The following PCMT1 variants were observed in gnomAD, a reference collection of about 807,000 sequenced individuals.
PCMT1 encodes protein-L-isoaspartate(D-aspartate) O-methyltransferase.
PCMT1 carries 9 observed loss-of-function variants against 29.2 expected under a neutral mutation model. The observed-to-expected ratio is 0.31, with a 90% CI of 0.19 to 0.54. The LOEUF is 0.54. Ranked by LOEUF, PCMT1 falls within the 20% of genes least tolerant of loss-of-function variation. The pLI, the probability that PCMT1 is intolerant of heterozygous loss-of-function variation, is 0.95. For synonymous variants in PCMT1, 98 were observed against 97.5 expected (o/e 1.00, Z -0.03); for missense variants, 184 against 282.2 (o/e 0.65, Z 2.49).
intron 4 of PCMT1, among the ~76,000 whole-genome samples, chr6:149,792,037 G>A (rs1025489544): frequency 3.3e-5 from 5 of 152,172 alleles, no homozygotes; most frequent in Admixed American, 1.3e-4. Flanking sequence ...ATGATAGGCC[G>A]GGTGTGGTGG....
At chr6:149,792,302 G>A (rs950224755) in intron 4 of PCMT1, among the ~76,000 whole-genome samples, 4 of 151,896 alleles carry the variant, frequency 2.6e-5, no homozygotes, top group Admixed American at 6.6e-5. Context: ...CCAACAAAGC[G>A]AGACTTTATC....
At chr6:149,792,087 G>A (rs1307726061) in intron 4 of PCMT1, among the ~76,000 whole-genome samples, 1 of 152,202 alleles carries the variant, frequency 6.6e-6, no homozygotes, top group Non-Finnish European at 1.5e-5. Flanking sequence ...GGCCGAGGCA[G>A]GTGGATCACC....
chr6:149,749,895 C>T lies in PCMT1; in HGVS notation c.-7C>T. The T allele has an allele frequency of 6.2e-7, 1 of 1,608,312 alleles. No individual in the cohort carries two copies. Among genetic ancestry groups the T allele is most frequent in the Non-Finnish European group, 8.5e-7 (1 of 1,177,724 alleles). On this transcript the variant is annotated 5_prime_UTR_variant, in exon 1 of 8. Coordinates refer to ENST00000464889, the MANE Select transcript of PCMT1 (RefSeq NM_001360452.2). ...TGGTTCTGTACCTGCTCCGAGTGTG[C>T]TTAGCGATGGCCTGGAAATCCGGCG...
intron 3 of PCMT1, among the ~76,000 whole-genome samples, chr6:149,779,950 G>A (rs2115276174): frequency 6.6e-6 from 1 of 152,236 alleles, no homozygotes; most frequent in Middle Eastern, 3.4e-3. Flanking sequence ...CCTGAAGTTT[G>A]GTCTGGGTGT....
chr6:149,784,002 C>T (rs1196541332), intron 3 of PCMT1, among the ~76,000 whole-genome samples: 1 of 152,194 alleles, frequency 6.6e-6, no homozygotes, highest in East Asian at 1.9e-4. Flanking sequence ...GCCAGGACTC[C>T]TTAAATGAGT....
Position 149,763,108 on chromosome 6 carries a change from C to G in PCMT1, c.56-8054C>G, listed in dbSNP as rs1387026080. ...TCTATGATATATATGATATATATAT[C>G]TATGATATGTATATCTATGATATAT... On this transcript the variant is annotated intron_variant, in intron 1 of 7. Coordinates refer to ENST00000464889, the MANE Select transcript of PCMT1 (RefSeq NM_001360452.2). Among the ~76,000 whole-genome samples, 3 of 63,580 alleles carry G rather than the reference C, an allele frequency of 4.7e-5. 1 individual carries two copies. The highest frequency in any genetic ancestry group is 6.8e-5 in the Non-Finnish European group (3 of 44,390). 41.7% of individuals were successfully genotyped at this position (63,580 alleles called of 152,430 possible).
At chr6:149,752,391 G>T (rs1786358239) in intron 1 of PCMT1, among the ~76,000 whole-genome samples, 2 of 152,016 alleles carry the variant, frequency 1.3e-5, no homozygotes. Flanking sequence ...TAGAAACGGG[G>T]TTTCACTATG....
At chr6:149,761,107 G>A (rs1786721276) in intron 1 of PCMT1, among the ~76,000 whole-genome samples, 2 of 150,558 alleles carry the variant, frequency 1.3e-5, no homozygotes, top group Admixed American at 6.6e-5. Context: ...GGATAGGTTT[G>A]TGTTGTGTAA....
chr6:149,772,755 C>A (rs147577776), intron 2 of PCMT1: 1 of 359,542 alleles, frequency 2.8e-6, no homozygotes, highest in African/African-American at 2.1e-5. Flanking sequence ...TGGTGGCTCA[C>A]GCCTGTAATC....
intron 7 of PCMT1, among the ~76,000 whole-genome samples, chr6:149,807,056 T>C (rs923090550): frequency 3.3e-5 from 5 of 152,198 alleles, no homozygotes; most frequent in African/African-American, 1.2e-4. Context: ...AGAAACTGTA[T>C]TTTTAAAAAT....
At chr6:149,771,875 A>AG in intron 2 of PCMT1, 1 of 407,616 alleles carries the variant, frequency 2.5e-6, no homozygotes, top group Non-Finnish European at 4.8e-6. Flanking sequence ...AGTTTTCTTT[A>AG]GGGGCCTTAG....
At chr6:149,779,200 A>G (rs1787708893) in intron 3 of PCMT1, among the ~76,000 whole-genome samples, 1 of 151,920 alleles carries the variant, frequency 6.6e-6, no homozygotes, top group African/African-American at 2.4e-5. Flanking sequence ...GTAAAGTCAC[A>G]AAGTTGATAA....
At chr6:149,759,192 C>CT (rs1195546104) in intron 1 of PCMT1, among the ~76,000 whole-genome samples, 7 of 151,888 alleles carry the variant, frequency 4.6e-5, no homozygotes, top group Non-Finnish European at 7.4e-5. Flanking sequence ...GAATTTAAAA[C>CT]TAATTCCTTT....
At chr6:149,785,473 C>A (rs1277782751) in intron 3 of PCMT1, among the ~76,000 whole-genome samples, 3 of 148,838 alleles carry the variant, frequency 2.0e-5, no homozygotes, top group African/African-American at 7.5e-5. Flanking sequence ...TTGGCAGGGT[C>A]ATAGGACAAT....
chr6:149,798,299 T>A (rs1200832144), intron 6 of PCMT1: 1 of 152,208 alleles, frequency 6.6e-6, no homozygotes, highest in Non-Finnish European at 1.5e-5. Context: ...CAATGGGTTT[T>A]TAACTTTTCA....
rs190860182 is a variant in PCMT1 at position 149,762,665 on chromosome 6, T to C, written c.56-8497T>C. On this transcript the variant is annotated intron_variant, in intron 1 of 7. Coordinates refer to ENST00000464889, the MANE Select transcript of PCMT1 (RefSeq NM_001360452.2). ...CTATGATATATATATGATATATATATCTATGATATATATATATCTATGATA... is the reference window on the plus strand; with the variant it reads ...CTATGATATATATATGATATATATACCTATGATATATATATATCTATGATA... 1.2e-4 allele frequency among the ~76,000 whole-genome samples: 3 copies of C among 25,240 alleles called. 1 individual carries two copies. 16.6% of individuals were successfully genotyped at this position (25,240 alleles called of 152,430 possible).
At chr6:149,767,590 C>T (rs1180891335) in intron 1 of PCMT1, among the ~76,000 whole-genome samples, 1 of 151,506 alleles carries the variant, frequency 6.6e-6, no homozygotes, top group East Asian at 2.0e-4. Flanking sequence ...GTAGCTGGGT[C>T]TACAGGTATG....
At chr6:149,799,734 G>A (rs1302990423) in intron 6 of PCMT1, among the ~76,000 whole-genome samples, 6 of 152,188 alleles carry the variant, frequency 3.9e-5, no homozygotes. Flanking sequence ...GAAGTTTGCA[G>A]GATTGTTACA....
At chr6:149,782,263 C>T (rs9322219) in intron 3 of PCMT1, among the ~76,000 whole-genome samples, 74,623 of 151,740 alleles carry the variant, frequency 0.49, 20,157 homozygotes, top group East Asian at 0.83. Flanking sequence ...TATGAATAAG[C>T]AGTTGTGATC....
Sources: allele counts gnomAD v4.1 joint callset (sites outside exome capture counted in the v4.1 genomes callset), GRCh38; gene constraint gnomAD v4.1.1; transcripts MANE v1.5; gene names NCBI Gene and HGNC (gene_info 2026-07-23, HGNC 2026-07-21).